The following VWF variants were observed in gnomAD, a reference collection of about 807,000 sequenced individuals.
The protein encoded by VWF is Factor VIII related antigen.
VWF carries 176 observed loss-of-function variants against 308.6 expected under a neutral mutation model. The observed-to-expected ratio is 0.57, with a 90% CI of 0.50 to 0.65. The LOEUF is 0.65. Among genes scored for constraint, VWF ranks in the 30% least tolerant of loss-of-function variants. The pLI, the probability that VWF is intolerant of heterozygous loss-of-function variation, is 0.00. For missense variants in VWF, 3,146 were observed against 3,648.2 expected (o/e 0.86, Z 3.55); for synonymous variants, 1,385 against 1,443.4 (o/e 0.96, Z 0.92).
chr12:6,058,031 T>A lies in VWF; in HGVS notation c.1547A>T (p.Tyr516Phe), dbSNP rs1397434734. ...GRLLVKLSPV[Y>F]AGKTCGLCGN... ...ACACAGGCCGCAGGTCTTCCCGGCA[T>A]AGACGGGGGACAGCTGCAGGAGAGA... is the stretch of plus-strand genomic sequence containing the variant. Residue 516 changes from tyrosine (Y) to phenylalanine (F), a missense_variant, in exon 14 of 52, where the codon TAT (tyrosine) becomes TTT (phenylalanine). By Grantham distance (22) the Tyr-to-Phe change is conservative (BLOSUM62 3). Around this residue, in one of 3 missense-constraint regions of VWF, gnomAD observed 1,304 missense variants for 1,353.0 expected, o/e 0.96. Coordinates refer to ENST00000261405, the MANE Select transcript of VWF (RefSeq NM_000552.5). The surrounding 1 kb of genome is among the most constrained non-coding windows in gnomAD (Gnocchi z 4.9). 18 of 1,613,032 alleles carry A rather than the reference T, an allele frequency of 1.1e-5. No individual in the cohort carries two copies. Among genetic ancestry groups the A allele is most frequent in the Non-Finnish European group, 1.5e-5 (18 of 1,180,026 alleles).
intron 38 of VWF, among the ~76,000 whole-genome samples, chr12:5,991,255 T>C (rs995408957): frequency 6.6e-6 from 1 of 151,278 alleles, no homozygotes; most frequent in African/African-American, 2.4e-5. Flanking sequence ...AAACAAAAAC[T>C]CTCTTAAATA....
Position 5,993,858 on chromosome 12 carries a change from T to C in VWF, c.6598+4A>G, listed in dbSNP as rs759852902. On this transcript the variant is annotated splice_donor_region_variant and intron_variant, in intron 37 of 51. Transcript: ENST00000261405. The stretch of plus-strand genomic sequence containing the variant: ...GGATTTTCAGAGGTAACTTGGAGAC[T>C]CACCACAGAAATCAGGTGTCCTCCA... 1 of 1,612,508 alleles carries C rather than the reference T, an allele frequency of 6.2e-7. No homozygotes were observed. Among genetic ancestry groups the C allele is most frequent in the East Asian group, 2.2e-5 (1 of 44,868 alleles).
rs368877141 is a variant in VWF, at chr12:5,993,890, G to A, written c.6570C>T (p.Cys2190=). Residue 2190 remains cysteine, a synonymous_variant, in exon 37 of 52, where the codon TGC becomes TGT. Coordinates refer to ENST00000261405, the MANE Select transcript of VWF (RefSeq NM_000552.5). ...YAHLCRTNGV[C]VDWRTPDFCA... Reference sequence around the variant, plus strand: ...AGAAATCAGGTGTCCTCCAGTCAACGCAGACCCCGTTGGTCCGACAGAGGT... The same window carrying A: ...AGAAATCAGGTGTCCTCCAGTCAACACAGACCCCGTTGGTCCGACAGAGGT... The A allele has an allele frequency of 1.5e-5, 25 of 1,613,480 alleles. No homozygotes were observed. The African/African-American group carries it at 1.6e-4, about 10-fold the overall frequency.
At chr12:5,986,557 C>T (rs1347560158) in intron 38 of VWF, among the ~76,000 whole-genome samples, 2 of 152,198 alleles carry the variant, frequency 1.3e-5, no homozygotes, top group Non-Finnish European at 2.9e-5. Flanking sequence ...CCACAGTCAG[C>T]AATCAGTCAG....
chr12:6,096,774 A>C (rs771203312), intron 5 of VWF, among the ~76,000 whole-genome samples: 11 of 152,196 alleles, frequency 7.2e-5, no homozygotes, highest in Non-Finnish European at 1.5e-4. Flanking sequence ...TAATTGCGTA[A>C]TCTGTATTAC....
At chr12:6,004,984 A>G (rs1943910739) in intron 34 of VWF, among the ~76,000 whole-genome samples, 2 of 152,324 alleles carry the variant, frequency 1.3e-5, no homozygotes, top group Admixed American at 1.3e-4. Flanking sequence ...TAAAAATGCC[A>G]GTTCTCCCAA....
chr12:5,982,686 G>A (rs953381158), intron 41 of VWF, among the ~76,000 whole-genome samples: 4 of 152,078 alleles, frequency 2.6e-5, no homozygotes, highest in Non-Finnish European at 4.4e-5. Context: ...GTTTCTTGTC[G>A]TGTCTTATTT....
intron 26 of VWF, 139 bp from the exon 27 acceptor site, chr12:6,022,174 C>A: frequency 1.7e-6 from 2 of 1,192,810 alleles, no homozygotes; most frequent in East Asian, 2.4e-5. Context: ...CCAGGGGTCA[C>A]CCCATCACTC....
At chr12:6,090,924 G>A (rs776319836) in intron 6 of VWF, among the ~76,000 whole-genome samples, 8 of 152,108 alleles carry the variant, frequency 5.3e-5, no homozygotes, top group Non-Finnish European at 1.0e-4. Context: ...TTAGAACTTT[G>A]ACTGCAAAGA....
chr12:6,074,104 CA>C (rs895350828), intron 7 of VWF, among the ~76,000 whole-genome samples: 6 of 152,148 alleles, frequency 3.9e-5, no homozygotes, highest in African/African-American at 7.2e-5. Context: ...AGTCCTACGA[CA>C]AAGCAAGGAG....
intron 43 of VWF, among the ~76,000 whole-genome samples, chr12:5,974,924 C>T (rs765720700): frequency 6.6e-6 from 1 of 152,196 alleles, no homozygotes; most frequent in East Asian, 1.9e-4. Context: ...AAGCAAAACT[C>T]CCCACTGAAA....
chr12:6,113,617 T>G (rs1945334580), intron 3 of VWF, among the ~76,000 whole-genome samples: 1 of 152,192 alleles, frequency 6.6e-6, no homozygotes, highest in Non-Finnish European at 1.5e-5. Flanking sequence ...TTTTTTTCAG[T>G]AATGTATTTA....
chr12:6,004,005 C>T (rs1388525002), intron 34 of VWF, among the ~76,000 whole-genome samples: 4 of 151,928 alleles, frequency 2.6e-5, no homozygotes, highest in Middle Eastern at 3.4e-3. Flanking sequence ...TTAGTAGAGA[C>T]GGGGTTTCAC....
chr12:5,982,804 A>T (rs1415159357), intron 41 of VWF, among the ~76,000 whole-genome samples: 1 of 152,196 alleles, frequency 6.6e-6, no homozygotes, highest in Non-Finnish European at 1.5e-5. Flanking sequence ...GATGAGGGGA[A>T]GTCAAGGAAA....
At chr12:6,002,838 C>T (rs574456258) in intron 34 of VWF, among the ~76,000 whole-genome samples, 3 of 151,932 alleles carry the variant, frequency 2.0e-5, no homozygotes, top group South Asian at 4.2e-4. Flanking sequence ...AGTTTTAACA[C>T]CAATATCTAA....
intron 22 of VWF, among the ~76,000 whole-genome samples, chr12:6,027,287 G>A (rs530298547): frequency 6.6e-6 from 1 of 152,134 alleles, no homozygotes. Context: ...GCACGTGCTT[G>A]TTCCGTCTGC....
intron 2 of VWF, among the ~76,000 whole-genome samples, chr12:6,122,380 T>C (rs1356103144): frequency 6.6e-6 from 1 of 152,202 alleles, no homozygotes; most frequent in South Asian, 2.1e-4. Context: ...CTCTCTGAAG[T>C]GTGAACTCCT....
intron 50 of VWF, among the ~76,000 whole-genome samples, chr12:5,951,068 GA>G (rs57048623): frequency 0.17 from 25,918 of 152,052 alleles, 2,403 homozygotes; most frequent in Middle Eastern, 0.22. Context: ...ACCCAGGGCA[GA>G]AAAGAAATAC....
rs1944828361 is a variant in VWF at position 6,075,207 on chromosome 12, A to G, written c.874+128T>C. On this transcript the variant is annotated intron_variant, in intron 7 of 51. Coordinates refer to ENST00000261405, the MANE Select transcript of VWF (RefSeq NM_000552.5). The surrounding 1 kb of genome is among the most constrained non-coding windows in gnomAD (Gnocchi z 4.7). ...ATGGGTCCGGGACACGTGGCTTTGT[A>G]GTCACTGGCTGGCTGGGTGTGGTAA... is the stretch of plus-strand genomic sequence containing the variant. 1 of 1,191,568 alleles carries G rather than the reference A, an allele frequency of 8.4e-7. No individual in the cohort carries two copies. Among genetic ancestry groups the G allele is most frequent in the Non-Finnish European group, 1.2e-6 (1 of 827,608 alleles). 73.8% of individuals were successfully genotyped at this position (1,191,568 alleles called of 1,614,324 possible).
Sources: gnomAD v4.1 joint callset for allele counts (sites outside exome capture counted in the v4.1 genomes callset) on GRCh38, gnomAD v4.1.1 for gene constraint, gnomAD v4.1.1 regional missense constraint, Gnocchi (gnomAD v3.1) non-coding constraint, MANE v1.5 for transcripts, NCBI Gene and HGNC (gene_info 2026-07-23, HGNC 2026-07-21) for gene names.